CDK19: variants seen among roughly 807,000 people sequenced by gnomAD.
CDK19 encodes cyclin dependent kinase 19.
Under a neutral mutation model 68.3 loss-of-function variants are expected in CDK19, and 20 were observed. The ratio of observed to expected loss-of-function variants is 0.29; its 90% CI spans 0.21 to 0.43. The LOEUF (loss-of-function observed/expected upper bound fraction) is 0.43. Ranked by LOEUF, CDK19 falls within the 20% of genes least tolerant of loss-of-function variation. The probability of loss-of-function intolerance (pLI) is 1.00; values close to 1 mark genes in which losing one functional copy is unlikely to be tolerated. For missense variants in CDK19, 339 were observed against 623.5 expected (o/e 0.54, Z 4.86); for synonymous variants, 221 against 222.8 (o/e 0.99, Z 0.07).
chr6:110,731,119 A>AGAAAAGAAAAGAAAG (rs766945386), intron 2 of CDK19, among the ~76,000 whole-genome samples: 19 of 107,512 alleles, frequency 1.8e-4, no homozygotes, highest in Non-Finnish European at 3.5e-4. Flanking sequence ...AGAAAGGAAA[A>AGAAAAGAAAAGAAAG]GAAAAGAAAA....
At chr6:110,759,891 A>G (rs77573529) in intron 1 of CDK19, among the ~76,000 whole-genome samples, 4,195 of 152,282 alleles carry the variant, frequency 0.028, 83 homozygotes, top group South Asian at 0.083. Flanking sequence ...ACAAGAAGTT[A>G]GGAAAAGAAA....
At chr6:110,755,655 A>G (rs1351855883) in intron 1 of CDK19, among the ~76,000 whole-genome samples, 1 of 152,222 alleles carries the variant, frequency 6.6e-6, no homozygotes, top group Non-Finnish European at 1.5e-5. Flanking sequence ...AAATACAGCT[A>G]GAATACAAGA....
chr6:110,765,261 T>A (rs1416972191), intron 1 of CDK19, among the ~76,000 whole-genome samples: 1 of 151,976 alleles, frequency 6.6e-6, no homozygotes, highest in Non-Finnish European at 1.5e-5. Context: ...CTACAAAAAA[T>A]TAAAAATTTT....
chr6:110,748,000 T>C (rs1176501949), intron 1 of CDK19, among the ~76,000 whole-genome samples: 4 of 152,232 alleles, frequency 2.6e-5, no homozygotes, highest in Admixed American at 2.6e-4. Context: ...AATTAAGTTA[T>C]CTATCAGGTA....
At chr6:110,810,055 T>C (rs565422291) in intron 1 of CDK19, among the ~76,000 whole-genome samples, 4 of 152,222 alleles carry the variant, frequency 2.6e-5, no homozygotes, top group South Asian at 2.1e-4. Context: ...CTAAAGTGAA[T>C]GTAGAACAAA....
rs1435160593 is a variant in CDK19 at position 110,696,814 on chromosome 6, T to C, written c.205-26273A>G. Among the ~76,000 whole-genome samples, 4 of 152,044 alleles carry C rather than the reference T, an allele frequency of 2.6e-5. No homozygotes were observed. The East Asian group carries it at 7.7e-4, about 29-fold the overall frequency. On this transcript the variant is annotated intron_variant, in intron 2 of 12. Transcript: ENST00000368911. ...GCTCATGCCTGTAATCCCAGCACTT[T>C]GGGAGGCTGAGGGTGGGGCGGATCA...
intron 2 of CDK19, among the ~76,000 whole-genome samples, chr6:110,742,877 C>G (rs1224214285): frequency 1.3e-5 from 2 of 152,180 alleles, no homozygotes; most frequent in Non-Finnish European, 2.9e-5. Context: ...TTGCCCTTGC[C>G]TTGCGATCTT....
chr6:110,719,988 C>T (rs1210106594), intron 2 of CDK19, among the ~76,000 whole-genome samples: 4 of 120,522 alleles, frequency 3.3e-5, no homozygotes, highest in African/African-American at 1.2e-4. Context: ...CCCCCCCCAC[C>T]CCCCCCCTGC....
intron 2 of CDK19, among the ~76,000 whole-genome samples, chr6:110,703,252 C>T (rs1774159983): frequency 6.6e-6 from 1 of 151,948 alleles, no homozygotes; most frequent in Non-Finnish European, 1.5e-5. Flanking sequence ...AAGAGCCAGA[C>T]CAAGAATAGG....
At chr6:110,669,150 G>A (rs1184063566) in intron 3 of CDK19, among the ~76,000 whole-genome samples, 1 of 152,100 alleles carries the variant, frequency 6.6e-6, no homozygotes, top group African/African-American at 2.4e-5. Context: ...AAAATACAAT[G>A]TCTGTGAATA....
intron 1 of CDK19, among the ~76,000 whole-genome samples, chr6:110,795,441 C>A (rs1271424652): frequency 6.6e-6 from 1 of 152,150 alleles, no homozygotes; most frequent in Non-Finnish European, 1.5e-5. Context: ...GTAGGAAAAT[C>A]ATAGAGAAAC....
chr6:110,618,769 C>T (rs574206336), intron 12 of CDK19, among the ~76,000 whole-genome samples: 14 of 152,214 alleles, frequency 9.2e-5, no homozygotes, highest in Admixed American at 5.9e-4. Context: ...ACATAGCTCC[C>T]TCCCGCAAGA....
intron 1 of CDK19, among the ~76,000 whole-genome samples, chr6:110,755,507 C>T (rs1179446360): frequency 6.6e-6 from 1 of 152,108 alleles, no homozygotes; most frequent in Non-Finnish European, 1.5e-5. Context: ...TTCAAAGGAA[C>T]ATTTGAGTGG....
At chr6:110,749,523 G>C (rs549585108) in intron 1 of CDK19, among the ~76,000 whole-genome samples, 94 of 152,004 alleles carry the variant, frequency 6.2e-4, no homozygotes, top group African/African-American at 2.1e-3. Context: ...ACACACCCAG[G>C]TAATTTTTGT....
chr6:110,674,965 A>T (rs1771366696), intron 2 of CDK19, among the ~76,000 whole-genome samples: 1 of 152,216 alleles, frequency 6.6e-6, no homozygotes, highest in Admixed American at 6.5e-5. Context: ...CAATGTGTGA[A>T]GGCTGAGAGA....
At chr6:110,803,136 G>C (rs763687812) in intron 1 of CDK19, among the ~76,000 whole-genome samples, 2 of 152,070 alleles carry the variant, frequency 1.3e-5, no homozygotes, top group African/African-American at 4.8e-5. Context: ...CTGGAGGGCA[G>C]TGGTGCCATC....
chr6:110,784,973 T>A (rs933635969), intron 1 of CDK19, among the ~76,000 whole-genome samples: 10 of 151,444 alleles, frequency 6.6e-5, no homozygotes, highest in Non-Finnish European at 1.5e-4. Context: ...GAGGAGTGAC[T>A]GCTAATGTGT....
intron 2 of CDK19, chr6:110,700,438 CT>C (rs142943083): frequency 4.7e-5 from 7 of 148,998 alleles, no homozygotes; most frequent in Admixed American, 1.3e-4. Flanking sequence ...TAAAATTCAG[CT>C]TTTTTTTTTG....
intron 10 of CDK19, 121 bp from the exon 11 acceptor site, chr6:110,622,287 G>C: frequency 1.4e-6 from 1 of 703,782 alleles, no homozygotes; most frequent in Non-Finnish European, 2.4e-6. Context: ...TCTGTGGCTA[G>C]TGTTCAAATC....
Sources: allele counts gnomAD v4.1 joint callset (sites outside exome capture counted in the v4.1 genomes callset), GRCh38; gene constraint gnomAD v4.1.1; transcripts MANE v1.5; gene names NCBI Gene and HGNC (gene_info 2026-07-23, HGNC 2026-07-21).